The following LRP1B variants were observed in gnomAD, a reference collection of about 807,000 sequenced individuals.
The protein encoded by LRP1B is low-density lipoprotein receptor-related protein 1B.
A neutral mutation model predicts 556.6 loss-of-function variants in LRP1B; 217 were observed. The observed-to-expected ratio is 0.39, with a 90% CI of 0.35 to 0.44. The LOEUF is 0.44. Among genes scored for constraint, LRP1B ranks in the 20% least tolerant of loss-of-function variants. The probability of loss-of-function intolerance (pLI) is 1.00; values close to 1 mark genes in which losing one functional copy is unlikely to be tolerated. For missense variants in LRP1B, 5,053 were observed against 5,620.8 expected, an observed-to-expected ratio of 0.90 and a Z score of 3.23; for synonymous variants, 2,047 against 1,865.8, an observed-to-expected ratio of 1.10 and a Z score of -2.50.
Position 141,774,247 on chromosome 2 carries a change from C to T in LRP1B, c.205+36032G>A, listed in dbSNP as rs1333372149. Among the ~76,000 whole-genome samples, 3 of 152,118 alleles carry T rather than the reference C, an allele frequency of 2.0e-5. No individual in the cohort carries two copies. In the East Asian group the frequency reaches 5.8e-4, roughly 29 times the overall value. On this transcript the variant is annotated intron_variant, in intron 2 of 90. Coordinates refer to ENST00000389484, the MANE Select transcript of LRP1B (RefSeq NM_018557.3). ...CCTGAGGCTGGGTAATTTACAAGGA[C>T]AAAAGGTTTATTTTGGCTCATGTTT...
At chr2:140,732,978 A>G (rs1444850487) in intron 35 of LRP1B, among the ~76,000 whole-genome samples, 1 of 152,134 alleles carries the variant, frequency 6.6e-6, no homozygotes, top group Non-Finnish European at 1.5e-5. Flanking sequence ...AAGTAGAGAT[A>G]TAACAATTCT....
chr2:140,780,641 G>A (rs1408897652), intron 32 of LRP1B, among the ~76,000 whole-genome samples: 7 of 152,016 alleles, frequency 4.6e-5, no homozygotes, highest in African/African-American at 1.7e-4. Flanking sequence ...GAGCCGTGGG[G>A]GTAGATGATT....
At chr2:140,632,456 T>C (rs1351579692) in intron 41 of LRP1B, among the ~76,000 whole-genome samples, 1 of 152,070 alleles carries the variant, frequency 6.6e-6, no homozygotes, top group East Asian at 1.9e-4. Context: ...AGATTAATTG[T>C]AAATGTTTAT....
intron 43 of LRP1B, among the ~76,000 whole-genome samples, chr2:140,593,135 A>C (rs1456076320): frequency 6.6e-6 from 1 of 152,210 alleles, no homozygotes; most frequent in Non-Finnish European, 1.5e-5. Flanking sequence ...GGGTCAAGTT[A>C]GTCATAAAAA....
At chr2:140,382,654 T>C (rs982653967) in intron 67 of LRP1B, among the ~76,000 whole-genome samples, 5 of 152,180 alleles carry the variant, frequency 3.3e-5, no homozygotes, top group Admixed American at 3.3e-4. Context: ...CATATTAAAT[T>C]TAAAACGTAG....
chr2:141,022,242 G>A (rs1573990585), intron 11 of LRP1B, among the ~76,000 whole-genome samples: 2 of 151,522 alleles, frequency 1.3e-5, no homozygotes, highest in East Asian at 3.9e-4. Context: ...CAGTAATAAA[G>A]GAATTAGCCT....
At chr2:140,345,747 T>C (rs553948708) in intron 77 of LRP1B, among the ~76,000 whole-genome samples, 1 of 125,096 alleles carries the variant, frequency 8.0e-6, no homozygotes, top group African/African-American at 2.9e-5. Flanking sequence ...TACATATATA[T>C]ACACATATAT....
intron 37 of LRP1B, among the ~76,000 whole-genome samples, chr2:140,705,178 T>A (rs1018367652): frequency 2.0e-5 from 3 of 152,054 alleles, no homozygotes; most frequent in Non-Finnish European, 4.4e-5. Context: ...TTATATCAAA[T>A]GTTATTTTTC....
chr2:141,094,813 G>C (rs1700255787), intron 7 of LRP1B, among the ~76,000 whole-genome samples: 1 of 152,156 alleles, frequency 6.6e-6, no homozygotes, highest in South Asian at 2.1e-4. Context: ...ATTCGCTAAG[G>C]ATAAAGTTAA....
At chr2:140,775,146 C>G (rs1279029888) in intron 33 of LRP1B, among the ~76,000 whole-genome samples, 1 of 151,874 alleles carries the variant, frequency 6.6e-6, no homozygotes, top group Non-Finnish European at 1.5e-5. Context: ...TGACCCAATC[C>G]CTGTACAGGG....
chr2:141,016,694 T>C (rs2105391226), intron 12 of LRP1B, among the ~76,000 whole-genome samples: 1 of 152,218 alleles, frequency 6.6e-6, no homozygotes, highest in East Asian at 1.9e-4. Context: ...ATTTGCCTCA[T>C]GAATGAGGTT....
At chr2:140,503,674 A>T (rs1413101125) in intron 53 of LRP1B, among the ~76,000 whole-genome samples, 1 of 152,132 alleles carries the variant, frequency 6.6e-6, no homozygotes, top group Non-Finnish European at 1.5e-5. Flanking sequence ...TTCAAATTAC[A>T]GAAAAAACAT....
At chr2:140,603,660 A>G (rs1682758491) in intron 41 of LRP1B, among the ~76,000 whole-genome samples, 1 of 152,120 alleles carries the variant, frequency 6.6e-6, no homozygotes, top group South Asian at 2.1e-4. Context: ...TCTATGGTTA[A>G]CATAATTCCA....
In LRP1B at chr2:141,463,438, T is replaced by C. The variant is rs192314634; in HGVS notation, c.343+16958A>G. Reference sequence around the variant, plus strand: ...AGGGAGAAATACATTGTGTACCAAATAACCTTTGGGAGAAAAATTCAGCAG... The same window carrying C: ...AGGGAGAAATACATTGTGTACCAAACAACCTTTGGGAGAAAAATTCAGCAG... On this transcript the variant is annotated intron_variant, in intron 3 of 90. Coordinates refer to ENST00000389484, the MANE Select transcript of LRP1B (RefSeq NM_018557.3). Among the ~76,000 whole-genome samples, 479 of 149,976 alleles carry C rather than the reference T, an allele frequency of 3.2e-3. 2 individuals carry two copies. The highest frequency in any genetic ancestry group is 0.011 in the African/African-American group (464 of 40,854).
At chr2:141,364,269 TAAC>T (rs1175499181) in intron 3 of LRP1B, among the ~76,000 whole-genome samples, 3 of 91,742 alleles carry the variant, frequency 3.3e-5, no homozygotes, top group Admixed American at 1.9e-4. Flanking sequence ...CTGGAGGAAA[TAAC>T]ACACACACAC....
rs527253123 is a variant in LRP1B, at chr2:141,657,317, G to A, written c.205+152962C>T. On this transcript the variant is annotated intron_variant, in intron 2 of 90. Coordinates refer to ENST00000389484, the MANE Select transcript of LRP1B (RefSeq NM_018557.3). ...GGTGATTCATAATTCATTTTCTAAT[G>A]TAGATTTCTCAAGACTGAACATTTA... Among the ~76,000 whole-genome samples, 40 of 152,144 alleles carry A rather than the reference G, an allele frequency of 2.6e-4. 1 individual carries two copies. The South Asian group carries it at 7.3e-3, about 28-fold the overall frequency.
At position 140,488,004 on chromosome 2, in the gene LRP1B, T is replaced by C. The variant is rs527840891; in HGVS notation, c.9121-265A>G. On this transcript the variant is annotated intron_variant, in intron 57 of 90. Coordinates refer to ENST00000389484, the MANE Select transcript of LRP1B (RefSeq NM_018557.3). The stretch of plus-strand genomic sequence containing the variant: ...AATATTTACAATGGTTTTAAATAAA[T>C]AGCCAGTAACGTGAAAATAAAAATA... Among the ~76,000 whole-genome samples the C allele has an allele frequency of 9.2e-5, 14 of 152,118 alleles. 1 individual carries two copies. The East Asian group carries it at 2.7e-3, about 29-fold the overall frequency.
chr2:141,863,218 C>G (rs1698307814), intron 1 of LRP1B, among the ~76,000 whole-genome samples: 1 of 152,168 alleles, frequency 6.6e-6, no homozygotes. Flanking sequence ...CCACTGTGTT[C>G]ATTTATTTAA....
intron 35 of LRP1B, among the ~76,000 whole-genome samples, chr2:140,762,061 TCA>T (rs1688944982): frequency 6.6e-6 from 1 of 152,076 alleles, no homozygotes; most frequent in African/African-American, 2.4e-5. Flanking sequence ...CTTCTGCCCC[TCA>T]GTCTAGCAGG....
Sources: gnomAD v4.1 joint callset for allele counts (sites outside exome capture counted in the v4.1 genomes callset) on GRCh38, gnomAD v4.1.1 for gene constraint, MANE v1.5 for transcripts, NCBI Gene and HGNC (gene_info 2026-07-23, HGNC 2026-07-21) for gene names.